Variants in ELMO1 observed in about 807,000 individuals in gnomAD.
ELMO1 encodes engulfment and cell motility protein 1.
A neutral mutation model predicts 98.9 loss-of-function variants in ELMO1; 26 were observed. That is an observed-to-expected ratio of 0.26 (90% CI 0.19 to 0.36). The LOEUF is 0.36. Among genes scored for constraint, ELMO1 ranks in the 10% least tolerant of loss-of-function variants. The pLI is 1.00. For synonymous variants in ELMO1, 346 were observed against 346.0 expected (o/e 1.00, Z 0.00); for missense variants, 627 against 935.2 (o/e 0.67, Z 4.30).
At chr7:37,184,941 C>T (rs113334000) in intron 13 of ELMO1, among the ~76,000 whole-genome samples, 5 of 152,174 alleles carry the variant, frequency 3.3e-5, no homozygotes, top group African/African-American at 1.2e-4. Context: ...CATTGCTATC[C>T]TTTTTTCTCT....
At chr7:37,096,803 T>G in intron 14 of ELMO1, 76 bp from the exon 15 acceptor site, 1 of 1,298,840 alleles carries the variant, frequency 7.7e-7, no homozygotes, top group South Asian at 1.2e-5. Flanking sequence ...TTCATTCCAA[T>G]AGATGAATAC....
chr7:37,160,887 C>T (rs1205899681), intron 13 of ELMO1, among the ~76,000 whole-genome samples: 1 of 152,120 alleles, frequency 6.6e-6, no homozygotes, highest in Non-Finnish European at 1.5e-5. Flanking sequence ...CACAGGGTCA[C>T]GACTGGCAGC....
At chr7:36,876,925 A>G (rs957498395) in intron 19 of ELMO1, among the ~76,000 whole-genome samples, 1 of 152,242 alleles carries the variant, frequency 6.6e-6, no homozygotes, top group Non-Finnish European at 1.5e-5. Flanking sequence ...CGTTTTCTGA[A>G]CTAAGTGACA....
chr7:37,288,462 T>A (rs183091790), intron 4 of ELMO1, among the ~76,000 whole-genome samples: 25 of 152,318 alleles, frequency 1.6e-4, no homozygotes, highest in Non-Finnish European at 1.0e-4. Flanking sequence ...CCACCTCAGG[T>A]GATCCGCCCA....
At chr7:36,890,954 C>T (rs933149379) in intron 17 of ELMO1, among the ~76,000 whole-genome samples, 1 of 152,222 alleles carries the variant, frequency 6.6e-6, no homozygotes, top group African/African-American at 2.4e-5. Context: ...CTGCTCCAAC[C>T]TCAGGGCCTT....
At chr7:37,261,349 T>C (rs762324611) in intron 5 of ELMO1, among the ~76,000 whole-genome samples, 5 of 152,198 alleles carry the variant, frequency 3.3e-5, no homozygotes, top group Non-Finnish European at 2.9e-5. Context: ...AGAAAACACA[T>C]TGTAAACAGT....
intron 13 of ELMO1, among the ~76,000 whole-genome samples, chr7:37,141,592 T>G (rs1187237990): frequency 1.3e-5 from 2 of 152,164 alleles, no homozygotes; most frequent in Non-Finnish European, 2.9e-5. Context: ...GACAAGTTGT[T>G]TTTCCCACAG....
At chr7:37,301,873 A>G (rs2701004) in intron 4 of ELMO1, among the ~76,000 whole-genome samples, 137,566 of 152,156 alleles carry the variant, frequency 0.9, 62,412 homozygotes, top group Non-Finnish European at 0.94. Flanking sequence ...GGAGAAAATT[A>G]CCTCACTGTT....
intron 16 of ELMO1, among the ~76,000 whole-genome samples, chr7:36,911,094 A>G (rs1784313138): frequency 1.3e-5 from 2 of 152,182 alleles, no homozygotes; most frequent in African/African-American, 4.8e-5. Flanking sequence ...TCTGCCAGGA[A>G]CAACCACCCA....
intron 13 of ELMO1, among the ~76,000 whole-genome samples, chr7:37,201,346 T>G (rs1369638661): frequency 6.6e-6 from 1 of 152,202 alleles, no homozygotes; most frequent in African/African-American, 2.4e-5. Context: ...CAGCCAACAT[T>G]CATAGACTTT....
chr7:36,976,505 A>G (rs571255298), intron 16 of ELMO1, among the ~76,000 whole-genome samples: 1 of 152,354 alleles, frequency 6.6e-6, no homozygotes, highest in East Asian at 1.9e-4. Context: ...ATTTTGATAC[A>G]TAATTTCCAA....
In ELMO1 at chr7:37,382,122, C is replaced by T. The variant is rs1802605648; in HGVS notation, c.-73-39359G>A. Among the ~76,000 whole-genome samples, 2 of 152,252 alleles carry T rather than the reference C, an allele frequency of 1.3e-5. 1 individual carries two copies. On this transcript the variant is annotated intron_variant, in intron 1 of 21. Coordinates refer to ENST00000310758, the MANE Select transcript of ELMO1 (RefSeq NM_014800.11). ...TTAGCTATTTTATATACATTTAAGG[C>T]AATCTCAGAAACACTTGCCTTACCT...
intron 16 of ELMO1, among the ~76,000 whole-genome samples, chr7:36,968,597 C>T (rs1026873952): frequency 3.3e-5 from 5 of 152,120 alleles, no homozygotes; most frequent in Non-Finnish European, 7.4e-5. Context: ...GTCTCTATGT[C>T]ATTTTCAATT....
At chr7:37,375,974 T>G (rs1562651654) in intron 1 of ELMO1, 1 of 584,608 alleles carries the variant, frequency 1.7e-6, no homozygotes, top group Non-Finnish European at 3.1e-6. Context: ...GCAACTGAAT[T>G]CCAGTTTAGA....
chr7:37,208,213 C>T (rs545947985), intron 13 of ELMO1, among the ~76,000 whole-genome samples: 7 of 152,230 alleles, frequency 4.6e-5, no homozygotes, highest in Non-Finnish European at 7.3e-5. Context: ...CGCTGGTAGA[C>T]GGTCCTGTGG....
intron 13 of ELMO1, among the ~76,000 whole-genome samples, chr7:37,156,964 C>A (rs994068663): frequency 6.6e-6 from 1 of 152,180 alleles, no homozygotes; most frequent in Non-Finnish European, 1.5e-5. Flanking sequence ...AAAAGCTTAT[C>A]CACCACGAGC....
At chr7:37,362,091 AAAAAT>A (rs1318538894) in intron 1 of ELMO1, among the ~76,000 whole-genome samples, 1 of 152,178 alleles carries the variant, frequency 6.6e-6, no homozygotes, top group South Asian at 2.1e-4. Flanking sequence ...GAAGAAAATA[AAAAAT>A]AAAATAAAGC....
intron 1 of ELMO1, among the ~76,000 whole-genome samples, chr7:37,414,489 T>C (rs182232363): frequency 2.0e-4 from 30 of 152,356 alleles, no homozygotes; most frequent in African/African-American, 6.5e-4. Context: ...GGGGCACACA[T>C]ACACCAAGTC....
At chr7:37,216,176 G>A (rs1041039800) in intron 11 of ELMO1, among the ~76,000 whole-genome samples, 3 of 150,756 alleles carry the variant, frequency 2.0e-5, no homozygotes, top group Non-Finnish European at 4.4e-5. Flanking sequence ...ATCTTGCATC[G>A]CAGCGAATGA....
Sources: gnomAD v4.1 joint callset for allele counts (sites outside exome capture counted in the v4.1 genomes callset) on GRCh38, gnomAD v4.1.1 for gene constraint, MANE v1.5 for transcripts, NCBI Gene and HGNC (gene_info 2026-07-23, HGNC 2026-07-21) for gene names.